FYN: variants seen among roughly 807,000 people sequenced by gnomAD.
FYN encodes the protein FYN proto-oncogene, Src family tyrosine kinase, also known as tyrosine-protein kinase Fyn.
A neutral mutation model predicts 70.2 loss-of-function variants in FYN; 10 were observed. The observed-to-expected ratio is 0.14, with a 90% confidence interval of 0.09 to 0.24. FYN has a LOEUF of 0.24. FYN is among the 10% of genes least tolerant of loss of function. The pLI, the probability that FYN is intolerant of heterozygous loss-of-function variation, is 1.00. For synonymous variants in FYN, 236 were observed against 248.6 expected, an observed-to-expected ratio of 0.95 and a Z score of 0.48; for missense variants, 319 against 673.1, an observed-to-expected ratio of 0.47 and a Z score of 5.82.
At position 111,800,760 on chromosome 6, in the gene FYN, A is replaced by G. The variant is rs528421965; in HGVS notation, c.-81-20125T>C. On this transcript the variant is annotated intron_variant, in intron 2 of 13. Coordinates refer to ENST00000354650, the MANE Select transcript of FYN (RefSeq NM_002037.5). ...CTCAAATGTCTGGAAGCCCAGCTTT[A>G]GATTTAACCCTCTCCTGCCCACATC... is the stretch of plus-strand genomic sequence containing the variant. Among the ~76,000 whole-genome samples the G allele has an allele frequency of 5.9e-5, 9 of 152,308 alleles. No individual in the cohort carries two copies. In the South Asian group the frequency reaches 1.9e-3, roughly 32 times the overall value.
intron 3 of FYN, among the ~76,000 whole-genome samples, chr6:111,762,348 GC>G (rs574844402): frequency 1.3e-5 from 2 of 152,034 alleles, no homozygotes; most frequent in African/African-American, 4.8e-5. Context: ...AAAATTCTAA[GC>G]CCCCCAAGTG....
chr6:111,762,694 G>A (rs1803056094), intron 3 of FYN, among the ~76,000 whole-genome samples: 2 of 152,056 alleles, frequency 1.3e-5, no homozygotes, highest in South Asian at 4.1e-4. Flanking sequence ...TGTGGGGGAA[G>A]TCTGCATGCA....
chr6:111,851,547 G>C lies in FYN; in HGVS notation c.-122-4918C>G, dbSNP rs9387046. On this transcript the variant is annotated intron_variant, in intron 1 of 13. Coordinates refer to ENST00000354650, the MANE Select transcript of FYN (RefSeq NM_002037.5). ...CTAACTGCACGGTCTGTTTCAGTTA[G>C]TATCATGATGACCACCTGATGATGC... is the stretch of plus-strand genomic sequence containing the variant. Among the ~76,000 whole-genome samples, 221 of 152,292 alleles carry C rather than the reference G, an allele frequency of 1.5e-3. 6 individuals carry two copies. The East Asian group carries it at 0.034, about 23-fold the overall frequency.
At chr6:111,824,121 C>T (rs1488765890) in intron 2 of FYN, among the ~76,000 whole-genome samples, 2 of 152,224 alleles carry the variant, frequency 1.3e-5, no homozygotes, top group African/African-American at 2.4e-5. Flanking sequence ...TCTGTGAGCA[C>T]ATGGTCTTTA....
rs1583348353 is a variant in FYN, at chr6:111,713,916, T to C, written c.344+431A>G. Among the ~76,000 whole-genome samples the C allele has an allele frequency of 2.0e-5, 3 of 152,262 alleles. No homozygotes were observed. The East Asian group carries it at 5.8e-4, about 29-fold the overall frequency. On this transcript the variant is annotated intron_variant, in intron 5 of 13. Coordinates refer to ENST00000354650, the MANE Select transcript of FYN (RefSeq NM_002037.5). ...AGCAGTTTATAAAATAAAGAACTTG[T>C]TGCAAGCCTCAAGTGAGGGCTTAGC...
chr6:111,772,893 T>C (rs144805803), intron 3 of FYN, among the ~76,000 whole-genome samples: 247 of 152,198 alleles, frequency 1.6e-3, no homozygotes, highest in Non-Finnish European at 2.7e-3. Context: ...TTTGGGACTG[T>C]ATTGTTGAAA....
intron 1 of FYN, among the ~76,000 whole-genome samples, chr6:111,854,442 C>T (rs1288652209): frequency 2.0e-5 from 3 of 152,202 alleles, no homozygotes; most frequent in Non-Finnish European, 2.9e-5. Context: ...CAGGCCACTG[C>T]CTCACCAGAC....
chr6:111,768,629 A>T (rs1247459686), intron 3 of FYN, among the ~76,000 whole-genome samples: 1 of 152,236 alleles, frequency 6.6e-6, no homozygotes, highest in Non-Finnish European at 1.5e-5. Flanking sequence ...CATCTCAGGT[A>T]ATTCTGGTAA....
At chr6:111,842,529 A>G (rs372918508) in intron 2 of FYN, among the ~76,000 whole-genome samples, 1 of 152,112 alleles carries the variant, frequency 6.6e-6, no homozygotes, top group Non-Finnish European at 1.5e-5. Context: ...ATGTCCCCCT[A>G]TTCACACTGG....
At chr6:111,699,522 C>T in intron 9 of FYN, 1 of 1,613,116 alleles carries the variant, frequency 6.2e-7, no homozygotes. Context: ...TACCAAGCCA[C>T]ACTTCAGCGA....
chr6:111,764,159 A>G (rs1803115598), intron 3 of FYN, among the ~76,000 whole-genome samples: 1 of 147,086 alleles, frequency 6.8e-6, no homozygotes. Context: ...GAAATTTTCC[A>G]TAAAAAAAAA....
intron 3 of FYN, among the ~76,000 whole-genome samples, chr6:111,768,492 T>C (rs1158924601): frequency 6.6e-6 from 1 of 152,204 alleles, no homozygotes; most frequent in Non-Finnish European, 1.5e-5. Context: ...AAATTCTCCC[T>C]AAGTATTGAT....
At chr6:111,790,251 C>T (rs1282067712) in intron 2 of FYN, among the ~76,000 whole-genome samples, 1 of 13,124 alleles carries the variant, frequency 7.6e-5, no homozygotes, top group African/African-American at 7.0e-4. Context: ...CTTAGATACA[C>T]ACACACACAC....
chr6:111,862,742 C>A (rs1773998494), intron 1 of FYN, among the ~76,000 whole-genome samples: 5 of 152,182 alleles, frequency 3.3e-5, no homozygotes, highest in Admixed American at 3.3e-4. Context: ...TTGAATTTAA[C>A]TAACAATGTC....
chr6:111,753,988 G>A (rs1160112468), intron 3 of FYN, among the ~76,000 whole-genome samples: 1 of 152,176 alleles, frequency 6.6e-6, no homozygotes, highest in Non-Finnish European at 1.5e-5. Flanking sequence ...AGGTTAGTAG[G>A]AAGAAACAGT....
intron 2 of FYN, among the ~76,000 whole-genome samples, chr6:111,842,639 CACA>C (rs1340392297): frequency 6.6e-6 from 1 of 152,166 alleles, no homozygotes; most frequent in Admixed American, 6.5e-5. Flanking sequence ...TTATTCTTCC[CACA>C]AAAGAAAAAA....
At chr6:111,696,554 T>G in intron 9 of FYN, 98 bp from the exon 10 acceptor site, 1 of 931,440 alleles carries the variant, frequency 1.1e-6, no homozygotes, top group Non-Finnish European at 1.6e-6. Context: ...GATTTTAAAT[T>G]TAAAACACTT....
intron 1 of FYN, among the ~76,000 whole-genome samples, chr6:111,848,007 T>C (rs2114483275): frequency 6.6e-6 from 1 of 152,376 alleles, no homozygotes; most frequent in South Asian, 2.1e-4. Flanking sequence ...GCCTTTTCTT[T>C]TGGCTAACCC....
chr6:111,696,069 AT>A (rs1799559627), intron 10 of FYN, among the ~76,000 whole-genome samples: 1 of 152,188 alleles, frequency 6.6e-6, no homozygotes, highest in African/African-American at 2.4e-5. Flanking sequence ...AGTATTTGGC[AT>A]TTCATAAGGA....
Sources: allele counts gnomAD v4.1 joint callset (sites outside exome capture counted in the v4.1 genomes callset), GRCh38; gene constraint gnomAD v4.1.1; transcripts MANE v1.5; gene names NCBI Gene and HGNC (gene_info 2026-07-23, HGNC 2026-07-21).